Variants in HACE1 observed in about 807,000 individuals in gnomAD.
The protein encoded by HACE1 is E3 ubiquitin-protein ligase HACE1.
In HACE1, 73 loss-of-function variants were observed where a neutral mutation model predicts 118.4. The ratio of observed to expected loss-of-function variants is 0.62; its 90% CI spans 0.51 to 0.75. HACE1 has a LOEUF of 0.75. Among genes scored for constraint, HACE1 ranks in the 30% least tolerant of loss-of-function variants. The pLI is 0.00. For synonymous variants in HACE1, 368 were observed against 374.8 expected (o/e 0.98, Z 0.21); for missense variants, 749 against 1,102.2 (o/e 0.68, Z 4.54).
intron 17 of HACE1, among the ~76,000 whole-genome samples, chr6:104,773,771 T>TA (rs199641990): frequency 0.17 from 25,661 of 147,400 alleles, 2,326 homozygotes; most frequent in African/African-American, 0.24. Context: ...GAGACTTTTT[T>TA]AAAAAAAAAA....
At chr6:104,775,268 C>G (rs1016675850) in intron 17 of HACE1, among the ~76,000 whole-genome samples, 2 of 152,010 alleles carry the variant, frequency 1.3e-5, no homozygotes, top group South Asian at 2.1e-4. Flanking sequence ...CTCAGCCATA[C>G]CAGCTACTCG....
At chr6:104,822,669 C>G (rs971935614) in intron 6 of HACE1, among the ~76,000 whole-genome samples, 12 of 151,896 alleles carry the variant, frequency 7.9e-5, no homozygotes, top group Non-Finnish European at 1.5e-4. Flanking sequence ...CCAGCCTGGC[C>G]AACATAATGA....
At chr6:104,830,681 A>G (rs1216835742) in intron 6 of HACE1, among the ~76,000 whole-genome samples, 1 of 152,068 alleles carries the variant, frequency 6.6e-6, no homozygotes, top group Non-Finnish European at 1.5e-5. Flanking sequence ...CAAACTTTGT[A>G]TCCTTGTAGT....
intron 6 of HACE1, among the ~76,000 whole-genome samples, chr6:104,816,086 A>G (rs1772086529): frequency 6.6e-6 from 1 of 151,142 alleles, no homozygotes; most frequent in African/African-American, 2.4e-5. Context: ...AAAAAAAAAA[A>G]GAGGAAACAG....
intron 19 of HACE1, among the ~76,000 whole-genome samples, chr6:104,765,839 A>G (rs762419841): frequency 3.9e-5 from 6 of 152,172 alleles, no homozygotes; most frequent in Non-Finnish European, 5.9e-5. Flanking sequence ...ACTTCTTTTC[A>G]TCAGTTTTGG....
intron 5 of HACE1, among the ~76,000 whole-genome samples, chr6:104,836,651 T>C (rs1293794955): frequency 6.6e-6 from 1 of 152,160 alleles, no homozygotes; most frequent in African/African-American, 2.4e-5. Flanking sequence ...AGGCAGAGGT[T>C]GCAGTGAGCT....
intron 6 of HACE1, among the ~76,000 whole-genome samples, chr6:104,830,171 T>C (rs943905817): frequency 6.6e-6 from 1 of 152,200 alleles, no homozygotes; most frequent in African/African-American, 2.4e-5. Flanking sequence ...AGGGTGTTTA[T>C]ATTAAAGCAG....
intron 22 of HACE1, among the ~76,000 whole-genome samples, chr6:104,737,679 C>CG (rs766119131): frequency 1.3e-3 from 191 of 152,258 alleles, no homozygotes; most frequent in African/African-American, 4.2e-3. Flanking sequence ...GAGGGTCCTA[C>CG]CCCACGGAGT....
chr6:104,845,865 T>G (rs772802953), intron 4 of HACE1: 14 of 152,302 alleles, frequency 9.2e-5, no homozygotes, highest in Non-Finnish European at 1.8e-4. Context: ...AAATATTCAA[T>G]AATCATGAGA....
chr6:104,844,661 C>A (rs1474625121), intron 4 of HACE1, among the ~76,000 whole-genome samples: 2 of 142,378 alleles, frequency 1.4e-5, no homozygotes, highest in Admixed American at 7.0e-5. Context: ...TCCATCACAA[C>A]CTTTTTTTTT....
chr6:104,814,763 T>C lies in HACE1; in HGVS notation c.535-3370A>G, dbSNP rs543188911. ...CCCTTGCTGCTCTCATGAGAGCTCA[T>C]GGTTTAAAAGTGTGTGGCACATCCC... On this transcript the variant is annotated intron_variant, in intron 6 of 23. Transcript: ENST00000262903. 1.5e-5 allele frequency among the ~76,000 whole-genome samples: 2 copies of C among 136,972 alleles called. 1 individual carries two copies. The highest frequency in any genetic ancestry group is 3.1e-5 in the Non-Finnish European group (2 of 63,962). The allele number at this position is 136,972 out of a possible 152,430, so 89.9% of individuals were successfully genotyped here.
chr6:104,831,986 G>GAGAAGAGAAGA (rs1562471327), intron 6 of HACE1, among the ~76,000 whole-genome samples: 1 of 37,396 alleles, frequency 2.7e-5, no homozygotes, highest in East Asian at 7.7e-4. Flanking sequence ...AAGAGAGGAA[G>GAGAAGAGAAGA]GAAGGAAGGA....
intron 4 of HACE1, among the ~76,000 whole-genome samples, chr6:104,848,134 G>T (rs1418096279): frequency 6.6e-6 from 1 of 151,320 alleles, no homozygotes; most frequent in Admixed American, 6.6e-5. Flanking sequence ...TTACAGGCCT[G>T]GACTCCATAA....
intron 6 of HACE1, among the ~76,000 whole-genome samples, chr6:104,821,241 A>G (rs1253811218): frequency 6.6e-6 from 1 of 152,166 alleles, no homozygotes; most frequent in East Asian, 1.9e-4. Context: ...AATGTATACT[A>G]GGCTACCTAT....
intron 17 of HACE1, among the ~76,000 whole-genome samples, chr6:104,773,304 A>G (rs1350202058): frequency 6.6e-6 from 1 of 152,192 alleles, no homozygotes; most frequent in Non-Finnish European, 1.5e-5. Context: ...GGAAAGTGAA[A>G]TCTTTAGTCA....
chr6:104,832,311 A>ATTTT (rs1484380969), intron 6 of HACE1, among the ~76,000 whole-genome samples: 1 of 152,244 alleles, frequency 6.6e-6, no homozygotes, highest in East Asian at 1.9e-4. Flanking sequence ...AAAACCTATG[A>ATTTT]ATTAGAAATA....
intron 17 of HACE1, 125 bp downstream of exon 17, chr6:104,776,616 T>A: frequency 1.4e-6 from 1 of 707,946 alleles, no homozygotes; most frequent in South Asian, 1.5e-5. Context: ...AGTTTTCTCA[T>A]CTATAAAATA....
intron 19 of HACE1, among the ~76,000 whole-genome samples, chr6:104,764,777 G>A (rs1779787744): frequency 6.6e-6 from 1 of 152,094 alleles, no homozygotes; most frequent in Non-Finnish European, 1.5e-5. Flanking sequence ...AAACTCTGAA[G>A]GTATATTTTT....
chr6:104,796,414 C>T (rs1204844471), intron 9 of HACE1, among the ~76,000 whole-genome samples: 2 of 152,112 alleles, frequency 1.3e-5, no homozygotes, highest in Non-Finnish European at 2.9e-5. Context: ...CCAGCCTATT[C>T]TAGTTATCTT....
Sources: allele counts gnomAD v4.1 joint callset (sites outside exome capture counted in the v4.1 genomes callset), GRCh38; gene constraint gnomAD v4.1.1; transcripts MANE v1.5; gene names NCBI Gene and HGNC (gene_info 2026-07-23, HGNC 2026-07-21).